The following MAP3K7 variants were observed in gnomAD, a reference collection of about 807,000 sequenced individuals.
MAP3K7 encodes the protein TGF-beta activated kinase 1.
In MAP3K7, 21 loss-of-function variants were observed where a neutral mutation model predicts 84.8. The observed-to-expected ratio is 0.25, with a 90% CI of 0.18 to 0.36. The LOEUF (loss-of-function observed/expected upper bound fraction) is 0.36. Among genes scored for constraint, MAP3K7 ranks in the 10% least tolerant of loss-of-function variants. The pLI, the probability that MAP3K7 is intolerant of heterozygous loss-of-function variation, is 1.00. For synonymous variants in MAP3K7, 241 were observed against 247.7 expected (o/e 0.97, Z 0.25); for missense variants, 503 against 747.7 (o/e 0.67, Z 3.82).
chr6:90,552,012 C>G (rs200402372), intron 8 of MAP3K7, 37 bp downstream of exon 8: 1 of 1,570,062 alleles, frequency 6.4e-7, no homozygotes, highest in East Asian at 2.3e-5. Flanking sequence ...ATATTAAATT[C>G]CCCTAAATCC....
intron 14 of MAP3K7, among the ~76,000 whole-genome samples, chr6:90,522,230 C>T (rs556977852): frequency 1.1e-4 from 17 of 151,984 alleles, no homozygotes; most frequent in African/African-American, 3.9e-4. Flanking sequence ...AACAATGGGA[C>T]GGGAGTTGGA....
At position 90,523,739 on chromosome 6, in the gene MAP3K7, G is replaced by C. The variant is rs1255080838; in HGVS notation, c.1401C>G (p.Thr467=). ...TTGGCTTTTCTGAGGTTGGTCCTGAGGTAGTAATCATTCTGACACTGGGAC... is the reference window on the plus strand; with the variant it reads ...TTGGCTTTTCTGAGGTTGGTCCTGACGTAGTAATCATTCTGACACTGGGAC... ...SSSPSVRMIT[T]SGPTSEKPTR... Residue 467 remains threonine (T), a synonymous_variant, in exon 14 of 17, where the codon ACC becomes ACG. Transcript: ENST00000369329. The C allele has an allele frequency of 1.2e-6, 2 of 1,613,280 alleles. No individual in the cohort carries two copies. The highest frequency in any genetic ancestry group is 2.2e-5 in the South Asian group (2 of 91,034).
chr6:90,530,029 G>C (rs1044500578), intron 13 of MAP3K7, among the ~76,000 whole-genome samples: 14 of 152,192 alleles, frequency 9.2e-5, no homozygotes, highest in African/African-American at 3.1e-4. Context: ...TTACTTTTAG[G>C]ATACTTTTAC....
chr6:90,585,331 T>G (rs562520609), intron 1 of MAP3K7, among the ~76,000 whole-genome samples: 1 of 152,336 alleles, frequency 6.6e-6, no homozygotes, highest in South Asian at 2.1e-4. Flanking sequence ...ACATATATAA[T>G]TCAGTAATCC....
At chr6:90,586,249 G>A (rs1437008359) in intron 1 of MAP3K7, among the ~76,000 whole-genome samples, 2 of 151,390 alleles carry the variant, frequency 1.3e-5, no homozygotes, top group African/African-American at 4.9e-5. Flanking sequence ...GCGGGCGCCT[G>A]TAGTCCCAGC....
intron 16 of MAP3K7, among the ~76,000 whole-genome samples, chr6:90,517,725 T>C (rs1388355475): frequency 6.6e-6 from 1 of 151,672 alleles, no homozygotes; most frequent in Non-Finnish European, 1.5e-5. Context: ...TTTTCTCTCT[T>C]TTTTTTGAAG....
At chr6:90,529,609 T>A (rs1036988572) in intron 13 of MAP3K7, among the ~76,000 whole-genome samples, 8 of 152,180 alleles carry the variant, frequency 5.3e-5, no homozygotes, top group Non-Finnish European at 1.2e-4. Flanking sequence ...TAAGACTCAA[T>A]AGGAAAATAA....
intron 8 of MAP3K7, 88 bp from the exon 9 acceptor site, chr6:90,550,637 C>T: frequency 1.3e-6 from 1 of 787,880 alleles, no homozygotes; most frequent in Non-Finnish European, 2.0e-6. Flanking sequence ...AAGTTATATA[C>T]TAAATTTGTA....
At chr6:90,541,853 T>C (rs758174879) in intron 12 of MAP3K7, among the ~76,000 whole-genome samples, 2 of 152,044 alleles carry the variant, frequency 1.3e-5, no homozygotes, top group Admixed American at 1.3e-4. Flanking sequence ...TAAAGATATA[T>C]ATACAAAACC....
At chr6:90,573,165 G>C (rs552167350) in intron 1 of MAP3K7, among the ~76,000 whole-genome samples, 15 of 152,306 alleles carry the variant, frequency 9.8e-5, no homozygotes, top group African/African-American at 3.4e-4. Flanking sequence ...TATATAGCTA[G>C]CAAGTGTTAA....
chr6:90,552,283 G>C (rs1468667965), intron 7 of MAP3K7, 104 bp from the exon 8 acceptor site: 2 of 1,079,700 alleles, frequency 1.9e-6, no homozygotes, highest in Admixed American at 2.1e-5. Context: ...TATAGATCTT[G>C]TAGTTTAAGA....
chr6:90,516,465 TC>T lies in MAP3K7; in HGVS notation c.*35del. On this transcript the variant is annotated 3_prime_UTR_variant, in exon 17 of 17. Transcript: ENST00000369329. ...TTCCTTTCCTTAAAAAAAAAGTCTT[TC>T]TTTGCATATTTCAAAATGTAACGGT... 6.3e-7 allele frequency: 1 copy of T among 1,591,654 alleles called. No individual in the cohort carries two copies. The highest frequency in any genetic ancestry group is 8.5e-7 in the Non-Finnish European group (1 of 1,172,720).
chr6:90,581,961 C>T (rs906824383), intron 1 of MAP3K7, among the ~76,000 whole-genome samples: 2 of 152,186 alleles, frequency 1.3e-5, no homozygotes, highest in African/African-American at 2.4e-5. Flanking sequence ...TTTTGTGTGT[C>T]TCCTTAACAA....
intron 2 of MAP3K7, among the ~76,000 whole-genome samples, chr6:90,570,660 G>A (rs778855959): frequency 6.6e-6 from 1 of 152,114 alleles, no homozygotes; most frequent in African/African-American, 2.4e-5. Context: ...AGAACCATTT[G>A]ATTTTTTACA....
At position 90,516,433 on chromosome 6, in the gene MAP3K7, T is replaced by C; in HGVS notation, c.*68A>G. On this transcript the variant is annotated 3_prime_UTR_variant, in exon 17 of 17. Coordinates refer to ENST00000369329, the MANE Select transcript of MAP3K7 (RefSeq NM_145331.3). ...AGCTAACACTCATGAATCGTCATTA[T>C]AAGGTTTTCCTTTCCTTAAAAAAAA... 1 of 1,515,452 alleles carries C rather than the reference T, an allele frequency of 6.6e-7. No homozygotes were observed. Among genetic ancestry groups the C allele is most frequent in the Non-Finnish European group, 9.0e-7 (1 of 1,108,602 alleles). 93.9% of individuals were successfully genotyped at this position (1,515,452 alleles called of 1,614,324 possible). A position where few individuals can be genotyped will look rare whatever the true frequency, so the allele number is the denominator to read the frequency against.
intron 1 of MAP3K7, among the ~76,000 whole-genome samples, chr6:90,582,916 T>G (rs1471377956): frequency 7.0e-6 from 1 of 143,284 alleles, no homozygotes; most frequent in Non-Finnish European, 1.5e-5. Context: ...AGAGTCTCCC[T>G]CTGTTGTCCA....
chr6:90,563,196 C>T (rs1039243935), intron 3 of MAP3K7, among the ~76,000 whole-genome samples: 2 of 152,138 alleles, frequency 1.3e-5, no homozygotes, highest in African/African-American at 2.4e-5. Flanking sequence ...TTGCCAGCAA[C>T]GGAACAAAGC....
chr6:90,572,606 G>T (rs1237222759), intron 1 of MAP3K7, among the ~76,000 whole-genome samples: 3 of 151,574 alleles, frequency 2.0e-5, no homozygotes, highest in East Asian at 3.9e-4. Context: ...TATGGTGGTG[G>T]CTGACAACCT....
intron 2 of MAP3K7, among the ~76,000 whole-genome samples, chr6:90,569,573 T>C (rs916260140): frequency 2.6e-5 from 4 of 152,108 alleles, no homozygotes; most frequent in Non-Finnish European, 5.9e-5. Flanking sequence ...CTCTGCCTCC[T>C]GGACTCATGC....
Sources: allele counts gnomAD v4.1 joint callset (sites outside exome capture counted in the v4.1 genomes callset), GRCh38; gene constraint gnomAD v4.1.1; transcripts MANE v1.5; gene names NCBI Gene and HGNC (gene_info 2026-07-23, HGNC 2026-07-21).